The following GNAQ variants were observed in gnomAD, a reference collection of about 807,000 sequenced individuals.
GNAQ encodes the protein guanine nucleotide-binding protein G(q) subunit alpha.
A neutral mutation model predicts 43.9 loss-of-function variants in GNAQ; 8 were observed. That is an observed-to-expected ratio of 0.18 (90% CI 0.11 to 0.33). GNAQ has a LOEUF of 0.33. GNAQ is among the 10% of genes least tolerant of loss of function. GNAQ has a pLI of 1.00. For synonymous variants in GNAQ, 155 were observed against 170.7 expected, an observed-to-expected ratio of 0.91 and a Z score of 0.71; for missense variants, 158 against 450.8, an observed-to-expected ratio of 0.35 and a Z score of 5.88.
chr9:78,005,509 C>T (rs908497977), intron 1 of GNAQ, among the ~76,000 whole-genome samples: 1 of 152,210 alleles, frequency 6.6e-6, no homozygotes, highest in Non-Finnish European at 1.5e-5. Flanking sequence ...GGGTAAATAA[C>T]TGAGCGTTCT....
chr9:77,929,840 AT>A (rs576050965), intron 1 of GNAQ, among the ~76,000 whole-genome samples: 1 of 151,790 alleles, frequency 6.6e-6, no homozygotes, highest in East Asian at 1.9e-4. Flanking sequence ...ACACACAAAA[AT>A]TTTTTTTTAA....
chr9:77,880,361 T>A (rs1828188562), intron 2 of GNAQ, among the ~76,000 whole-genome samples: 1 of 152,174 alleles, frequency 6.6e-6, no homozygotes. Flanking sequence ...TCAAGATATC[T>A]TGGTGGACCG....
At chr9:77,933,104 A>G (rs1025653916) in intron 1 of GNAQ, among the ~76,000 whole-genome samples, 1 of 152,192 alleles carries the variant, frequency 6.6e-6, no homozygotes, top group African/African-American at 2.4e-5. Flanking sequence ...GTACACCTAG[A>G]AAGTTCACTG....
At chr9:77,830,862 C>A (rs910306667) in intron 2 of GNAQ, among the ~76,000 whole-genome samples, 1 of 147,360 alleles carries the variant, frequency 6.8e-6, no homozygotes, top group Non-Finnish European at 1.5e-5. Flanking sequence ...CACACACACA[C>A]AATCAATGTG....
intron 2 of GNAQ, among the ~76,000 whole-genome samples, chr9:77,891,492 T>G (rs1461526245): frequency 6.6e-6 from 1 of 152,222 alleles, no homozygotes; most frequent in African/African-American, 2.4e-5. Flanking sequence ...GAAGAAAATT[T>G]CACGTTTAAG....
chr9:77,789,787 C>A (rs1826538928), intron 5 of GNAQ, among the ~76,000 whole-genome samples: 2 of 152,110 alleles, frequency 1.3e-5, no homozygotes, highest in Non-Finnish European at 2.9e-5. Flanking sequence ...TAAAACCTTT[C>A]CAATTTATAT....
At chr9:78,019,602 T>C (rs1213912091) in intron 1 of GNAQ, among the ~76,000 whole-genome samples, 2 of 152,232 alleles carry the variant, frequency 1.3e-5, no homozygotes, top group South Asian at 2.1e-4. Context: ...CAGCTTCATT[T>C]TGAATGTCGG....
chr9:77,805,060 GA>G lies in GNAQ; in HGVS notation c.477-7413del, dbSNP rs904390143. On this transcript the variant is annotated intron_variant, in intron 3 of 6. Transcript: ENST00000286548. ...CCACAAAAGTCCAAAGGAAAAAAGTGAAAAAAAAATTGTAAAGTGACCTGCA... is the reference window on the plus strand; with the variant it reads ...CCACAAAAGTCCAAAGGAAAAAAGTGAAAAAAAATTGTAAAGTGACCTGCA... Among the ~76,000 whole-genome samples the G allele has an allele frequency of 2.1e-3, 312 of 150,582 alleles. 2 individuals carry two copies. The highest frequency in any genetic ancestry group is 7.4e-3 in the African/African-American group (303 of 41,082).
Position 77,807,025 on chromosome 9 carries a change from G to C in GNAQ, c.476+8591C>G, listed in dbSNP as rs1262112700. ...TCACCTTAATTTGGATATTGCTTCT[G>C]TGAGATTAGAACTTTCATTTTGACA... is the stretch of plus-strand genomic sequence containing the variant. On this transcript the variant is annotated intron_variant, in intron 3 of 6. Transcript: ENST00000286548. Among the ~76,000 whole-genome samples the C allele has an allele frequency of 2.0e-5, 3 of 152,166 alleles. No homozygotes were observed. The East Asian group carries it at 5.8e-4, about 29-fold the overall frequency.
At chr9:78,008,209 G>A (rs1823730073) in intron 1 of GNAQ, among the ~76,000 whole-genome samples, 1 of 152,204 alleles carries the variant, frequency 6.6e-6, no homozygotes, top group Non-Finnish European at 1.5e-5. Flanking sequence ...GATGGCCCCT[G>A]TAAAGGGGAC....
intron 2 of GNAQ, among the ~76,000 whole-genome samples, chr9:77,903,952 A>G (rs1330886131): frequency 6.6e-6 from 1 of 151,916 alleles, no homozygotes; most frequent in Admixed American, 6.6e-5. Context: ...CACACAAAAA[A>G]ATCTTGTGAA....
In GNAQ at chr9:77,717,261, T is replaced by C. The variant is rs928777103; in HGVS notation, c.*4062A>G. On this transcript the variant is annotated 3_prime_UTR_variant, in exon 7 of 7. Coordinates refer to ENST00000286548, the MANE Select transcript of GNAQ (RefSeq NM_002072.5). Reference sequence around the variant, plus strand: ...ACCAAGCACACCTTATTTGTATCAATTGAGATGTTGATTACCAATTAAGTG... The same window carrying C: ...ACCAAGCACACCTTATTTGTATCAACTGAGATGTTGATTACCAATTAAGTG... 1.7e-5 allele frequency: 4 copies of C among 232,354 alleles called. No individual in the cohort carries two copies. The highest frequency in any genetic ancestry group is 6.1e-5 in the East Asian group (1 of 16,414). The allele number at this position is 232,354 out of a possible 1,614,324, so 14.4% of individuals were successfully genotyped here.
chr9:77,953,859 T>C (rs1250861174), intron 1 of GNAQ, among the ~76,000 whole-genome samples: 1 of 152,202 alleles, frequency 6.6e-6, no homozygotes, highest in African/African-American at 2.4e-5. Context: ...TGACCCAGCC[T>C]TCTGCCTGCT....
intron 5 of GNAQ, among the ~76,000 whole-genome samples, chr9:77,783,453 C>T (rs1826428169): frequency 6.6e-6 from 1 of 152,084 alleles, no homozygotes; most frequent in Non-Finnish European, 1.5e-5. Flanking sequence ...TTTTAAAACT[C>T]AATTTAATAT....
intron 1 of GNAQ, among the ~76,000 whole-genome samples, chr9:77,955,946 C>T (rs760297543): frequency 2.4e-4 from 37 of 152,174 alleles, no homozygotes; most frequent in Non-Finnish European, 5.0e-4. Context: ...GATGGCAATT[C>T]CTGCCACGGC....
At chr9:77,966,614 GA>G (rs1373354290) in intron 1 of GNAQ, among the ~76,000 whole-genome samples, 2 of 152,130 alleles carry the variant, frequency 1.3e-5, no homozygotes, top group Non-Finnish European at 2.9e-5. Context: ...TCACCCAGGG[GA>G]AAGTAAATAG....
Position 77,815,727 on chromosome 9 carries a change from G to C in GNAQ, c.365C>G (p.Ser122Cys), listed in dbSNP as rs1351194942. The C allele has an allele frequency of 6.2e-7, 1 of 1,610,330 alleles. No homozygotes were observed. The highest frequency in any genetic ancestry group is 8.5e-7 in the Non-Finnish European group (1 of 1,176,976). Reference protein sequence around the residue: ...LVREVDVEKVSAFENPYVDAI... With the variant: ...LVREVDVEKVCAFENPYVDAI... ...ATCTACATATGGATTCTCAAAAGCA[G>C]ACACCTTCTCCACATCAACTTCTCG... Residue 122 changes from serine (S) to cysteine (C), a missense_variant, in exon 3 of 7, where the codon TCT becomes TGT. By Grantham distance (112) the Ser-to-Cys change is moderately radical (BLOSUM62 -1). Around this residue, in one of 9 missense-constraint regions of GNAQ, gnomAD observed 57 missense variants for 78.2 expected, o/e 0.73. Transcript: ENST00000286548.
At chr9:77,779,169 C>T (rs142908316) in intron 5 of GNAQ, among the ~76,000 whole-genome samples, 281 of 151,916 alleles carry the variant, frequency 1.8e-3, no homozygotes, top group Non-Finnish European at 3.5e-3. Flanking sequence ...CATTATGGGC[C>T]ATAAAAGACA....
At chr9:77,814,907 T>C (rs558960133) in intron 3 of GNAQ, among the ~76,000 whole-genome samples, 6 of 152,344 alleles carry the variant, frequency 3.9e-5, no homozygotes, top group East Asian at 1.9e-4. Context: ...GCTGACTACA[T>C]TGATCACATT....
Sources: allele counts gnomAD v4.1 joint callset (sites outside exome capture counted in the v4.1 genomes callset), GRCh38; gene constraint gnomAD v4.1.1; regional missense constraint gnomAD v4.1.1; transcripts MANE v1.5; gene names NCBI Gene and HGNC (gene_info 2026-07-23, HGNC 2026-07-21).